Variants in CENPL observed in about 807,000 individuals in gnomAD.
CENPL encodes the protein centromere protein L.
In CENPL, 20 loss-of-function variants were observed where a neutral mutation model predicts 35.2. The ratio of observed to expected loss-of-function variants is 0.57; its 90% CI spans 0.40 to 0.83. CENPL has a LOEUF of 0.83. Among genes scored for constraint, CENPL ranks in the 40% least tolerant of loss-of-function variants. The pLI, the probability that CENPL is intolerant of heterozygous loss-of-function variation, is 0.00. For synonymous variants in CENPL, 140 were observed against 140.6 expected (o/e 1.00, Z 0.03); for missense variants, 363 against 395.8 (o/e 0.92, Z 0.70).
At chr1:173,802,229 G>A (rs544583152) in intron 5 of CENPL, among the ~76,000 whole-genome samples, 12 of 151,136 alleles carry the variant, frequency 7.9e-5, no homozygotes, top group African/African-American at 2.4e-4. Flanking sequence ...CTTTTGAGAC[G>A]GAGTCTCGCT....
Position 173,811,232 on chromosome 1 carries a change from C to T in CENPL, c.68G>A (p.Gly23Asp). 6.2e-7 allele frequency: 1 copy of T among 1,613,512 alleles called. No individual in the cohort carries two copies. Among genetic ancestry groups the T allele is most frequent in the South Asian group, 1.1e-5 (1 of 91,048 alleles). ...ASSRPEDYFIGATPLQKRLES... is the reference protein window; with the variant it reads ...ASSRPEDYFIDATPLQKRLES... ...TAATCGTTTCTGCAGAGGAGTGGCACCTATAAAGTAATCTTCAGGTCTTGA... is the reference window on the plus strand; with the variant it reads ...TAATCGTTTCTGCAGAGGAGTGGCATCTATAAAGTAATCTTCAGGTCTTGA... The change falls in exon 3 of 6, where the codon GGT (glycine) becomes GAT (aspartate). Residue 23 changes from glycine to aspartate, a missense_variant. Gly to Asp is a moderately conservative substitution (Grantham distance 94, BLOSUM62 -1). Transcript: ENST00000682279.
Position 173,808,151 on chromosome 1 carries a change from T to C in CENPL, c.169-633A>G, listed in dbSNP as rs1393553086. 2.6e-5 allele frequency among the ~76,000 whole-genome samples: 4 copies of C among 152,152 alleles called. No individual in the cohort carries two copies. The East Asian group carries it at 5.8e-4, about 22-fold the overall frequency. On this transcript the variant is annotated intron_variant, in intron 3 of 5. Transcript: ENST00000682279. ...GGCCAGGCACAGTGGCTGACGACTGTAATCCCAGCACTTTGGGAGGCTGAG... is the reference window on the plus strand; with the variant it reads ...GGCCAGGCACAGTGGCTGACGACTGCAATCCCAGCACTTTGGGAGGCTGAG...
chr1:173,821,471 G>A (rs1358385111), intron 2 of CENPL, among the ~76,000 whole-genome samples: 1 of 152,112 alleles, frequency 6.6e-6, no homozygotes, highest in East Asian at 1.9e-4. Flanking sequence ...TAAAGTCTAG[G>A]TGACTTTAAA....
intron 4 of CENPL, among the ~76,000 whole-genome samples, chr1:173,805,470 G>C (rs1650136616): frequency 6.8e-6 from 1 of 147,762 alleles, no homozygotes; most frequent in Non-Finnish European, 1.5e-5. Context: ...AGCCAAGACA[G>C]TACCACTGCA....
chr1:173,810,646 C>T (rs987552169), intron 3 of CENPL, among the ~76,000 whole-genome samples: 3 of 152,162 alleles, frequency 2.0e-5, no homozygotes, highest in African/African-American at 4.8e-5. Context: ...ACAGGCCGGG[C>T]GCGGTGACTC....
At chr1:173,819,780 C>T (rs1029467997) in intron 2 of CENPL, among the ~76,000 whole-genome samples, 6 of 152,142 alleles carry the variant, frequency 3.9e-5, no homozygotes, top group Admixed American at 2.0e-4. Context: ...CAACCTCTGC[C>T]TCCTGGGCTC....
chr1:173,817,624 A>C (rs926438496), intron 2 of CENPL, among the ~76,000 whole-genome samples: 1 of 152,244 alleles, frequency 6.6e-6, no homozygotes, highest in African/African-American at 2.4e-5. Context: ...AGAACTAGAA[A>C]TACCATTTGA....
Position 173,824,013 on chromosome 1 carries a change from A to C in CENPL, c.-95T>G. On this transcript the variant is annotated 5_prime_UTR_variant, in exon 2 of 6. Transcript: ENST00000682279. ...CGGCTCCAAAACTATGTGGAGACTGAAATCCCCTGAAGAAAAAAAAAAAAA... is the reference window on the plus strand; with the variant it reads ...CGGCTCCAAAACTATGTGGAGACTGCAATCCCCTGAAGAAAAAAAAAAAAA... The C allele has an allele frequency of 6.6e-6, 1 of 151,214 alleles. No homozygotes were observed. The allele number at this position is 151,214 out of a possible 1,614,324, so 9.4% of individuals were successfully genotyped here.
At chr1:173,806,755 T>G (rs2102573598) in intron 4 of CENPL, among the ~76,000 whole-genome samples, 1 of 152,218 alleles carries the variant, frequency 6.6e-6, no homozygotes, top group South Asian at 2.1e-4. Flanking sequence ...ACTCCTAGGC[T>G]CAGGTGATCT....
At position 173,813,432 on chromosome 1, in the gene CENPL, C is replaced by T. The variant is rs567335731; in HGVS notation, c.-7-2126G>A. Among the ~76,000 whole-genome samples, 186 of 152,216 alleles carry T rather than the reference C, an allele frequency of 1.2e-3. 1 individual carries two copies. The highest frequency in any genetic ancestry group is 4.2e-3 in the African/African-American group (173 of 41,530). On this transcript the variant is annotated intron_variant, in intron 2 of 5. Transcript: ENST00000682279. Reference sequence around the variant, plus strand: ...GTTAAGGGCAGCCAGAGAGAAAGGTCGGGTTACCCACAAAGGGAAGCCCAT... The same window carrying T: ...GTTAAGGGCAGCCAGAGAGAAAGGTTGGGTTACCCACAAAGGGAAGCCCAT...
Position 173,820,359 on chromosome 1 carries a change from T to C in CENPL, c.-8+3567A>G, listed in dbSNP as rs540889233. Reference sequence around the variant, plus strand: ...GGACAACACAGCAAGACCCCATCTTTCAAAAAAAAAAAAGGAATTAGCCTG... The same window carrying C: ...GGACAACACAGCAAGACCCCATCTTCCAAAAAAAAAAAAGGAATTAGCCTG... On this transcript the variant is annotated intron_variant, in intron 2 of 5. Transcript: ENST00000682279. Among the ~76,000 whole-genome samples, 29 of 150,532 alleles carry C rather than the reference T, an allele frequency of 1.9e-4. No homozygotes were observed. The South Asian group carries it at 2.5e-3, about 13-fold the overall frequency.
At position 173,800,277 on chromosome 1, in the gene CENPL, C is replaced by T; in HGVS notation, c.*171G>A. The T allele has an allele frequency of 2.0e-6, 1 of 489,462 alleles. No individual in the cohort carries two copies. The highest frequency in any genetic ancestry group is 3.8e-5 in the South Asian group (1 of 26,658). The allele number at this position is 489,462 out of a possible 1,614,324, so 30.3% of individuals were successfully genotyped here. ...GCTGTGGCTCATCTACTACCATATT[C>T]TTTGTTCTTCTAGATCCTTCTTGGC... On this transcript the variant is annotated 3_prime_UTR_variant, in exon 6 of 6. Coordinates refer to ENST00000682279, the MANE Select transcript of CENPL (RefSeq NM_001387287.1).
intron 5 of CENPL, among the ~76,000 whole-genome samples, chr1:173,800,922 A>AT (rs1216365410): frequency 6.6e-6 from 1 of 152,220 alleles, no homozygotes; most frequent in African/African-American, 2.4e-5. Flanking sequence ...ACACTACTGC[A>AT]TTCCAGCCTG....
chr1:173,808,574 A>C, intron 3 of CENPL: 1 of 148,258 alleles, frequency 6.7e-6, no homozygotes. Context: ...TCCCTGTTCT[A>C]CTCTTTCCCC....
chr1:173,820,534 A>G (rs1056780741), intron 2 of CENPL, among the ~76,000 whole-genome samples: 1 of 152,168 alleles, frequency 6.6e-6, no homozygotes, highest in Non-Finnish European at 1.5e-5. Context: ...AAATAAATAC[A>G]TAAACTAAAC....
In CENPL at chr1:173,807,418, T is replaced by A; in HGVS notation, c.269A>T (p.Glu90Val). 6.2e-7 allele frequency: 1 copy of A among 1,612,342 alleles called. No individual in the cohort carries two copies. Among genetic ancestry groups the A allele is most frequent in the Non-Finnish European group, 8.5e-7 (1 of 1,178,794 alleles). Residue 90 changes from glutamate to valine, a missense_variant, in exon 4 of 6, where the codon GAG becomes GTG. Physicochemically the swap from Glu to Val is moderately radical, Grantham distance 121. Coordinates refer to ENST00000682279, the MANE Select transcript of CENPL (RefSeq NM_001387287.1). The part of the protein sequence containing the change: ...LYKFSYSNLK[E>V]YSRLLNAFIV... ...AAAAGCATTGAGAAGTCTAGAATAC[T>A]CTTTGAGATTACTATAGGAGAATTT...
intron 2 of CENPL, among the ~76,000 whole-genome samples, chr1:173,820,188 G>A (rs1308098865): frequency 6.6e-6 from 1 of 152,084 alleles, no homozygotes; most frequent in Non-Finnish European, 1.5e-5. Flanking sequence ...TTTCCTTCCA[G>A]CATCATGTCA....
rs994018186 is a variant in CENPL at position 173,811,212 on chromosome 1, G to A, written c.88C>T (p.Arg30Ter). ...YFIGATPLQKRLESVRKQSSF... is the reference protein window; with the variant it reads ...YFIGATPLQK ...CTCTGCTTCCTGACCGATTCTAATC[G>A]TTTCTGCAGAGGAGTGGCACCTATA... Residue 30 changes from arginine to a stop codon, truncating the protein, a stop_gained, in exon 3 of 6, where the codon CGA (arginine) becomes TGA (stop). Transcript: ENST00000682279. LOFTEE classifies it high-confidence loss of function. The A allele has an allele frequency of 3.1e-6, 5 of 1,613,844 alleles. No individual in the cohort carries two copies. Among genetic ancestry groups the A allele is most frequent in the Non-Finnish European group, 4.2e-6 (5 of 1,179,880 alleles).
chr1:173,815,353 T>C (rs900156677), intron 2 of CENPL, among the ~76,000 whole-genome samples: 2 of 152,212 alleles, frequency 1.3e-5, no homozygotes, highest in African/African-American at 4.8e-5. Flanking sequence ...AGCATCATCC[T>C]GATGCCAAAG....
Sources: allele counts gnomAD v4.1 joint callset (sites outside exome capture counted in the v4.1 genomes callset), GRCh38; gene constraint gnomAD v4.1.1; transcripts MANE v1.5; gene names NCBI Gene and HGNC (gene_info 2026-07-23, HGNC 2026-07-21).